SLC2A13: variants seen among roughly 807,000 people sequenced by gnomAD.
The protein encoded by SLC2A13 is proton myo-inositol cotransporter.
SLC2A13 carries 32 observed loss-of-function variants against 64.4 expected under a neutral mutation model. That is an observed-to-expected ratio of 0.50 (90% CI 0.37 to 0.67). SLC2A13 has a LOEUF of 0.67. SLC2A13 is among the 30% of genes least tolerant of loss of function. The pLI is 0.00. For missense variants in SLC2A13, 743 were observed against 829.2 expected (o/e 0.90, Z 1.28); for synonymous variants, 338 against 327.1 (o/e 1.03, Z -0.36).
chr12:39,811,581 A>G lies in SLC2A13; in HGVS notation c.1445+18522T>C, dbSNP rs1010511795. On this transcript the variant is annotated intron_variant, in intron 7 of 9. Transcript: ENST00000280871. ...TTTTTACAGCATGGGTTATTTAGAA[A>G]TGTATTGTTTAATATTCAAATATTT... Among the ~76,000 whole-genome samples, 7 of 152,250 alleles carry G rather than the reference A, an allele frequency of 4.6e-5. No homozygotes were observed. In the East Asian group the frequency reaches 1.4e-3, roughly 29 times the overall value.
chr12:39,782,335 T>C (rs1791772542), intron 7 of SLC2A13, among the ~76,000 whole-genome samples: 1 of 152,100 alleles, frequency 6.6e-6, no homozygotes. Flanking sequence ...GCTAATTGAA[T>C]CATGGGGGCG....
chr12:39,796,489 T>C (rs932447990), intron 7 of SLC2A13, among the ~76,000 whole-genome samples: 3 of 151,832 alleles, frequency 2.0e-5, no homozygotes, highest in Admixed American at 2.0e-4. Context: ...TTCTAGGCCA[T>C]TTCCTTAAAA....
intron 7 of SLC2A13, among the ~76,000 whole-genome samples, chr12:39,780,656 C>G (rs1940946805): frequency 6.6e-6 from 1 of 152,168 alleles, no homozygotes; most frequent in Non-Finnish European, 1.5e-5. Flanking sequence ...ACATATCAAT[C>G]TCAATGACTA....
chr12:39,812,627 T>G (rs1942210737), intron 7 of SLC2A13, among the ~76,000 whole-genome samples: 1 of 151,276 alleles, frequency 6.6e-6, no homozygotes, highest in East Asian at 2.0e-4. Context: ...CGCCCACGGC[T>G]ACGCCCGGCT....
At chr12:39,771,490 C>T (rs1379118955) in intron 7 of SLC2A13, among the ~76,000 whole-genome samples, 1 of 152,116 alleles carries the variant, frequency 6.6e-6, no homozygotes, top group African/African-American at 2.4e-5. Context: ...CACAAAACCA[C>T]AAATTACTGA....
chr12:39,874,886 A>G (rs1194571950), intron 4 of SLC2A13, among the ~76,000 whole-genome samples: 4 of 152,228 alleles, frequency 2.6e-5, no homozygotes, highest in Admixed American at 2.6e-4. Context: ...AAATCATTAT[A>G]CTGGCAACAG....
intron 2 of SLC2A13, among the ~76,000 whole-genome samples, chr12:40,033,030 G>C (rs971128906): frequency 2.0e-5 from 3 of 152,122 alleles, no homozygotes; most frequent in Non-Finnish European, 4.4e-5. Context: ...ACCAGTTACC[G>C]TGTGCCAAGC....
chr12:39,932,452 A>G (rs1041495489), intron 4 of SLC2A13, among the ~76,000 whole-genome samples: 1 of 152,216 alleles, frequency 6.6e-6, no homozygotes, highest in Admixed American at 6.5e-5. Context: ...GTTACAAAAA[A>G]GGGAAATAGA....
chr12:39,989,236 T>A (rs1947089061), intron 3 of SLC2A13, among the ~76,000 whole-genome samples: 1 of 152,200 alleles, frequency 6.6e-6, no homozygotes, highest in East Asian at 1.9e-4. Flanking sequence ...CATGGCTCAC[T>A]CTCCTCACGT....
At chr12:39,828,944 T>C (rs576021559) in intron 7 of SLC2A13, among the ~76,000 whole-genome samples, 3 of 152,158 alleles carry the variant, frequency 2.0e-5, no homozygotes, top group African/African-American at 7.2e-5. Flanking sequence ...GGATTTTTAC[T>C]CAACTAACAT....
At chr12:39,760,465 T>C (rs776845948) in intron 9 of SLC2A13, among the ~76,000 whole-genome samples, 1 of 151,978 alleles carries the variant, frequency 6.6e-6, no homozygotes, top group Non-Finnish European at 1.5e-5. Context: ...GTTTAGAAAC[T>C]CAAGAATAAT....
intron 3 of SLC2A13, among the ~76,000 whole-genome samples, chr12:39,954,739 T>A (rs1039624008): frequency 1.4e-4 from 21 of 151,816 alleles, no homozygotes; most frequent in Admixed American, 1.1e-3. Context: ...AAATAAAAAA[T>A]AACTAAGAAT....
chr12:40,008,744 G>T (rs1321394290), intron 3 of SLC2A13, among the ~76,000 whole-genome samples: 2 of 152,054 alleles, frequency 1.3e-5, no homozygotes, highest in Non-Finnish European at 2.9e-5. Flanking sequence ...AGCTTAGAAA[G>T]AAATTACCAT....
intron 6 of SLC2A13, among the ~76,000 whole-genome samples, chr12:39,839,050 T>C (rs749768936): frequency 9.9e-5 from 15 of 152,094 alleles, no homozygotes; most frequent in African/African-American, 1.4e-4. Flanking sequence ...TATGCATGAA[T>C]TGACACCTAT....
intron 3 of SLC2A13, among the ~76,000 whole-genome samples, chr12:39,991,993 T>C (rs1947146228): frequency 6.6e-6 from 1 of 152,210 alleles, no homozygotes; most frequent in Non-Finnish European, 1.5e-5. Flanking sequence ...GTAAGATGCA[T>C]GCTACCATTG....
chr12:39,953,160 T>C (rs1057462206), intron 3 of SLC2A13, among the ~76,000 whole-genome samples: 1 of 152,172 alleles, frequency 6.6e-6, no homozygotes, highest in African/African-American at 2.4e-5. Flanking sequence ...ATAATGATTT[T>C]GGAGAACAGA....
chr12:39,807,351 C>T (rs183023303), intron 7 of SLC2A13, among the ~76,000 whole-genome samples: 151 of 152,212 alleles, frequency 9.9e-4, no homozygotes, highest in Admixed American at 2.9e-3. Context: ...ATAAGTAAAA[C>T]GGAAAGTCTG....
At chr12:39,988,108 T>A (rs953874320) in intron 3 of SLC2A13, among the ~76,000 whole-genome samples, 19 of 152,296 alleles carry the variant, frequency 1.2e-4, no homozygotes, top group Middle Eastern at 3.4e-3. Flanking sequence ...GATGTACATA[T>A]CTTTGCATAT....
chr12:39,796,394 A>G (rs1052181394), intron 7 of SLC2A13, among the ~76,000 whole-genome samples: 2 of 145,098 alleles, frequency 1.4e-5, no homozygotes, highest in African/African-American at 5.2e-5. Flanking sequence ...GTTTGAGATC[A>G]CCCTGGCCAA....
Sources: gnomAD v4.1 joint callset for allele counts (sites outside exome capture counted in the v4.1 genomes callset) on GRCh38, gnomAD v4.1.1 for gene constraint, MANE v1.5 for transcripts, NCBI Gene and HGNC (gene_info 2026-07-23, HGNC 2026-07-21) for gene names.